The following ZNF778 variants were observed in gnomAD, a reference collection of about 807,000 sequenced individuals.
ZNF778 encodes zinc finger protein 778.
ZNF778 carries 37 observed loss-of-function variants against 23.9 expected under a neutral mutation model. That is an observed-to-expected ratio of 1.54 (90% CI 1.19 to 2.03). The LOEUF (loss-of-function observed/expected upper bound fraction) is 2.03, where lower values mean the gene tolerates loss of function less well. ZNF778 is among the 30% of genes most tolerant of loss of function. The pLI is 0.00. For synonymous variants in ZNF778, 483 were observed against 343.9 expected, an observed-to-expected ratio of 1.40 and a Z score of -4.48; for missense variants, 1,297 against 934.4, an observed-to-expected ratio of 1.39 and a Z score of -5.06.
chr16:89,235,126 A>T lies in ZNF778; in HGVS notation c.*6564A>T, dbSNP rs1438508742. On this transcript the variant is annotated 3_prime_UTR_variant, in exon 7 of 7. Transcript: ENST00000433976. The stretch of plus-strand genomic sequence containing the variant: ...TGTAGAGTGTAATGTCATTTTTCCC[A>T]CTATGGACATAAAAATTTTTGCAAG... 1 of 151,730 alleles carries T rather than the reference A, an allele frequency of 6.6e-6. No homozygotes were observed. Among genetic ancestry groups the T allele is most frequent in the Non-Finnish European group, 1.5e-5 (1 of 67,918 alleles). 9.4% of individuals were successfully genotyped at this position (151,730 alleles called of 1,614,324 possible).
chr16:89,224,875 C>T (rs922890767), intron 5 of ZNF778, 73 bp downstream of exon 5: 91 of 1,089,458 alleles, frequency 8.4e-5, no homozygotes, highest in Non-Finnish European at 1.2e-4. Context: ...TCAAGTTTAG[C>T]GGCTATGGAA....
intron 4 of ZNF778, 129 bp from the exon 5 acceptor site, chr16:89,224,590 G>C (rs1335134477): frequency 3.1e-6 from 2 of 654,924 alleles, no homozygotes; most frequent in East Asian, 6.0e-5. Flanking sequence ...CTGCACTCCA[G>C]CCTGGGCAAC....
rs1375182085 is a variant in ZNF778 at position 89,233,738 on chromosome 16, C to T, written c.*5176C>T. 116 of 1,030,466 alleles carry T rather than the reference C, an allele frequency of 1.1e-4. 2 individuals are homozygous for T. In the East Asian group the frequency reaches 1.4e-3, roughly 12 times the overall value. 63.8% of individuals were successfully genotyped at this position (1,030,466 alleles called of 1,614,324 possible). A position where few individuals can be genotyped will look rare whatever the true frequency, so the allele number is the denominator to read the frequency against. On this transcript the variant is annotated 3_prime_UTR_variant, in exon 7 of 7. Transcript: ENST00000433976. ...TGCGTATGCAACTCAACTCGCACTG[C>T]ATATGCAACTCAACTCGCACTGCGT...
At chr16:89,226,670 C>G in intron 6 of ZNF778, 24 bp from the exon 7 acceptor site, 1 of 1,589,034 alleles carries the variant, frequency 6.3e-7, no homozygotes, top group Non-Finnish European at 8.6e-7. Flanking sequence ...AACCCCCTGA[C>G]CACCACTCAT....
chr16:89,228,134 C>G lies in ZNF778; in HGVS notation c.1846C>G (p.Pro616Ala), dbSNP rs780594323. 1.2e-6 allele frequency: 2 copies of G among 1,613,438 alleles called. No individual in the cohort carries two copies. The highest frequency in any genetic ancestry group is 2.2e-5 in the East Asian group (1 of 44,838). ...CATACGAACTCACACTGGAGAGAAA[C>G]CTTATGAATGTAAAGTATGCGGAAA... is the stretch of plus-strand genomic sequence containing the variant. ...EHIRTHTGEK[P>A]YECKVCGKAF... The change falls in exon 7 of 7, where the codon CCT becomes GCT. Residue 616 changes from proline (P) to alanine (A), a missense_variant. Coordinates refer to ENST00000433976, the MANE Select transcript of ZNF778 (RefSeq NM_001201407.2).
In ZNF778 at chr16:89,222,031, T is replaced by G. The variant is rs540929348; in HGVS notation, c.26-61T>G. 6.6e-4 allele frequency: 825 copies of G among 1,242,136 alleles called. 2 individuals are homozygous for G. Among genetic ancestry groups the G allele is most frequent in the Middle Eastern group, 2.0e-3 (10 of 5,128 alleles). 76.9% of individuals were successfully genotyped at this position (1,242,136 alleles called of 1,614,324 possible). A position where few individuals can be genotyped will look rare whatever the true frequency, so the allele number is the denominator to read the frequency against. On this transcript the variant is annotated intron_variant, in intron 2 of 6. Transcript: ENST00000433976. Reference sequence around the variant, plus strand: ...TAGGATGGAATGACTTCCGGGTCCATGAGTGTGGAATTAGGGTCAGCTCTG... The same window carrying G: ...TAGGATGGAATGACTTCCGGGTCCAGGAGTGTGGAATTAGGGTCAGCTCTG...
At chr16:89,218,166 C>T (rs935123957) in intron 1 of ZNF778, 1 of 152,234 alleles carries the variant, frequency 6.6e-6, no homozygotes, top group African/African-American at 2.4e-5. Flanking sequence ...CGTTGTCCCG[C>T]TGGTCTTGGA....
rs751752779 is a variant in ZNF778, at chr16:89,236,449, C to A, written c.*7887C>A. 1 of 152,118 alleles carries A rather than the reference C, an allele frequency of 6.6e-6. No individual in the cohort carries two copies. The highest frequency in any genetic ancestry group is 1.9e-4 in the East Asian group (1 of 5,200). 9.4% of individuals were successfully genotyped at this position (152,118 alleles called of 1,614,324 possible). The stretch of plus-strand genomic sequence containing the variant: ...AAACAGAAGTAACGATGAGGCAATA[C>A]AAAGAATTGCCTGCAGACCTGGTTT... On this transcript the variant is annotated 3_prime_UTR_variant, in exon 7 of 7. Transcript: ENST00000433976.
rs993852353 is a variant in ZNF778 at position 89,227,871 on chromosome 16, C to G, written c.1583C>G (p.Thr528Ser). 6.2e-7 allele frequency: 1 copy of G among 1,614,120 alleles called. No individual in the cohort carries two copies. The highest frequency in any genetic ancestry group is 8.5e-7 in the Non-Finnish European group (1 of 1,180,022). ...SGLTKHMRTH[T>S]GEKPYECKDC... The stretch of plus-strand genomic sequence containing the variant: ...CTCACTAAACACATGCGGACACACA[C>G]CGGGGAGAAGCCCTATGAATGTAAG... Residue 528 changes from threonine (T) to serine (S), a missense_variant, in exon 7 of 7, where the codon ACC becomes AGC. Thr to Ser is a moderately conservative substitution (Grantham distance 58). Transcript: ENST00000433976.
rs1375585420 is a variant in ZNF778 at position 89,234,177 on chromosome 16, G to C, written c.*5615G>C. 1 of 400,006 alleles carries C rather than the reference G, an allele frequency of 2.5e-6. No individual in the cohort carries two copies. The highest frequency in any genetic ancestry group is 4.9e-6 in the Non-Finnish European group (1 of 202,460). 24.8% of individuals were successfully genotyped at this position (400,006 alleles called of 1,614,324 possible). On this transcript the variant is annotated 3_prime_UTR_variant, in exon 7 of 7. Coordinates refer to ENST00000433976, the MANE Select transcript of ZNF778 (RefSeq NM_001201407.2). ...GTGTGTCACTCACTCACCTTGACGA[G>C]TCCGCGTCTAGGCCCCACCAGTGGT... is the stretch of plus-strand genomic sequence containing the variant.
At position 89,234,937 on chromosome 16, in the gene ZNF778, T is replaced by A. The variant is rs1348036244; in HGVS notation, c.*6375T>A. On this transcript the variant is annotated 3_prime_UTR_variant, in exon 7 of 7. Coordinates refer to ENST00000433976, the MANE Select transcript of ZNF778 (RefSeq NM_001201407.2). Reference sequence around the variant, plus strand: ...CTCAAAAAAAAAGGAAAAATATTTCTTAATTTTGGCATACTCAAATTTATA... The same window carrying A: ...CTCAAAAAAAAAGGAAAAATATTTCATAATTTTGGCATACTCAAATTTATA... 1 of 152,120 alleles carries A rather than the reference T, an allele frequency of 6.6e-6. No homozygotes were observed. The highest frequency in any genetic ancestry group is 1.5e-5 in the Non-Finnish European group (1 of 68,024). 9.4% of individuals were successfully genotyped at this position (152,120 alleles called of 1,614,324 possible). A position where few individuals can be genotyped will look rare whatever the true frequency, so the allele number is the denominator to read the frequency against.
rs540994101 is a variant in ZNF778, at chr16:89,223,022, C to G, written c.118-135C>G. On this transcript the variant is annotated intron_variant, in intron 3 of 6. Coordinates refer to ENST00000433976, the MANE Select transcript of ZNF778 (RefSeq NM_001201407.2). ...GCGTGTGTGCGGGCAGAGAAGGGTT[C>G]CTGGGACCACTGGGCCATGGGGTAG... The G allele has an allele frequency of 1.0e-5, 11 of 1,083,682 alleles. No homozygotes were observed. The African/African-American group carries it at 1.8e-4, about 18-fold the overall frequency. The allele number at this position is 1,083,682 out of a possible 1,614,324, so 67.1% of individuals were successfully genotyped here.
intron 3 of ZNF778, among the ~76,000 whole-genome samples, 161 bp downstream of exon 3, chr16:89,222,344 A>G (rs933667178): frequency 6.6e-6 from 1 of 152,128 alleles, no homozygotes; most frequent in African/African-American, 2.4e-5. Flanking sequence ...TGTTACTGTG[A>G]AAATCCTCCC....
intron 5 of ZNF778, 80 bp from the exon 6 acceptor site, chr16:89,225,475 T>G (rs1485302802): frequency 2.6e-6 from 3 of 1,173,024 alleles, no homozygotes; most frequent in East Asian, 2.6e-5. Flanking sequence ...CTTTGCTTTG[T>G]TTTTTTTTCT....
rs753104388 is a variant in ZNF778 at position 89,232,964 on chromosome 16, C to T, written c.*4402C>T. ...TGCCTATGCAACTCAGCTCGCTCTGCGTATGCAACTGAGCTCGCTCTGCGT... is the reference window on the plus strand; with the variant it reads ...TGCCTATGCAACTCAGCTCGCTCTGTGTATGCAACTGAGCTCGCTCTGCGT... On this transcript the variant is annotated 3_prime_UTR_variant, in exon 7 of 7. Coordinates refer to ENST00000433976, the MANE Select transcript of ZNF778 (RefSeq NM_001201407.2). 3.6e-5 allele frequency: 45 copies of T among 1,263,826 alleles called. No homozygotes were observed. The highest frequency in any genetic ancestry group is 3.4e-4 in the African/African-American group (22 of 63,886). 78.3% of individuals were successfully genotyped at this position (1,263,826 alleles called of 1,614,324 possible).
intron 4 of ZNF778, 196 bp from the exon 5 acceptor site, chr16:89,224,523 G>A (rs188250768): frequency 5.8e-5 from 28 of 485,372 alleles, no homozygotes; most frequent in African/African-American, 5.0e-4. Flanking sequence ...GGAGGCTGAG[G>A]CAAGAGAATC....
In ZNF778 at chr16:89,233,931, C is replaced by G. The variant is rs1567517208; in HGVS notation, c.*5369C>G. ...ATGAGGCACTAGACAGCAGGACATG[C>G]TGTATGCCCTTGGGCCTGCTGGAAG... On this transcript the variant is annotated 3_prime_UTR_variant, in exon 7 of 7. Coordinates refer to ENST00000433976, the MANE Select transcript of ZNF778 (RefSeq NM_001201407.2). 1 of 1,287,798 alleles carries G rather than the reference C, an allele frequency of 7.8e-7. No homozygotes were observed. Among genetic ancestry groups the G allele is most frequent in the Non-Finnish European group, 1.0e-6 (1 of 987,352 alleles). The allele number at this position is 1,287,798 out of a possible 1,614,324, so 79.8% of individuals were successfully genotyped here. A position where few individuals can be genotyped will look rare whatever the true frequency, so the allele number is the denominator to read the frequency against.
Position 89,228,233 on chromosome 16 carries a change from G to T in ZNF778, c.1945G>T (p.Glu649Ter). 6.2e-7 allele frequency: 1 copy of T among 1,614,056 alleles called. No homozygotes were observed. The highest frequency in any genetic ancestry group is 8.5e-7 in the Non-Finnish European group (1 of 1,179,936). ...HTGEKPYICK[E>*]CGKAFASSSH... ...CGGTGAGAAACCCTACATATGTAAG[G>T]AGTGTGGGAAAGCCTTTGCTTCCTC... The change falls in exon 7 of 7, where the codon GAG (glutamate) becomes TAG (stop). Residue 649 changes from glutamate to a stop codon, truncating the protein, a stop_gained. Coordinates refer to ENST00000433976, the MANE Select transcript of ZNF778 (RefSeq NM_001201407.2). LOFTEE classifies it low-confidence loss of function (END_TRUNC).
rs201993220 is a variant in ZNF778 at position 89,227,600 on chromosome 16, A to G, written c.1312A>G (p.Arg438Gly). Residue 438 changes from arginine (R) to glycine (G), a missense_variant, in exon 7 of 7, where the codon AGA becomes GGA. Coordinates refer to ENST00000433976, the MANE Select transcript of ZNF778 (RefSeq NM_001201407.2). The stretch of plus-strand genomic sequence containing the variant: ...CTTCACTGTGCGCTGTGGCCTTACT[A>G]GACACGTACGAACACACACGGGCGA... ...KAFTVRCGLT[R>G]HVRTHTGEKP... 4.7e-5 allele frequency: 76 copies of G among 1,614,190 alleles called. No individual in the cohort carries two copies. The highest frequency in any genetic ancestry group is 1.8e-4 in the Admixed American group (11 of 60,030).
Sources: allele counts gnomAD v4.1 joint callset (sites outside exome capture counted in the v4.1 genomes callset), GRCh38; gene constraint gnomAD v4.1.1; transcripts MANE v1.5; gene names NCBI Gene and HGNC (gene_info 2026-07-23, HGNC 2026-07-21).